Variants in TMEM132D observed in about 807,000 individuals in gnomAD.
TMEM132D encodes transmembrane protein 132D.
Under a neutral mutation model 62.3 loss-of-function variants are expected in TMEM132D, and 21 were observed. That is an observed-to-expected ratio of 0.34 (90% confidence interval 0.24 to 0.49). The LOEUF is 0.49. TMEM132D is among the 20% of genes least tolerant of loss of function. TMEM132D has a pLI of 0.99. For synonymous variants in TMEM132D, 621 were observed against 575.6 expected, an observed-to-expected ratio of 1.08 and a Z score of -1.13; for missense variants, 1,346 against 1,402.8, an observed-to-expected ratio of 0.96 and a Z score of 0.65.
chr12:129,221,772 G>C (rs985537614), intron 4 of TMEM132D, among the ~76,000 whole-genome samples: 3 of 152,036 alleles, frequency 2.0e-5, no homozygotes, highest in Non-Finnish European at 2.9e-5. Context: ...TTGCTTGTTT[G>C]GCCAAACTCT....
intron 3 of TMEM132D, among the ~76,000 whole-genome samples, chr12:129,419,721 T>A (rs556545201): frequency 1.1e-4 from 17 of 152,222 alleles, no homozygotes; most frequent in Non-Finnish European, 2.5e-4. Context: ...AAGTCTATAT[T>A]GTGATGTCTT....
chr12:129,169,281 A>G (rs1454080021), intron 5 of TMEM132D, among the ~76,000 whole-genome samples: 1 of 152,160 alleles, frequency 6.6e-6, no homozygotes, highest in Non-Finnish European at 1.5e-5. Context: ...CTCATCCTTT[A>G]CTTGTCTGTG....
intron 5 of TMEM132D, among the ~76,000 whole-genome samples, chr12:129,136,289 C>T (rs79263250): frequency 0.021 from 3,248 of 152,254 alleles, 50 homozygotes; most frequent in Non-Finnish European, 0.034. Context: ...ACACTCATTC[C>T]GTTACTGTTC....
intron 2 of TMEM132D, among the ~76,000 whole-genome samples, chr12:129,632,283 A>C (rs767724447): frequency 2.0e-5 from 3 of 152,210 alleles, no homozygotes; most frequent in Non-Finnish European, 4.4e-5. Context: ...GAAGGAGAAC[A>C]CAAAACAAGT....
At chr12:129,818,713 C>A (rs73438591) in intron 1 of TMEM132D, among the ~76,000 whole-genome samples, 28,289 of 151,736 alleles carry the variant, frequency 0.19, 3,631 homozygotes, top group African/African-American at 0.37. Context: ...CACCTGCACA[C>A]ACAGACTGTG....
intron 3 of TMEM132D, among the ~76,000 whole-genome samples, chr12:129,509,885 G>A (rs762750303): frequency 1.6e-4 from 24 of 152,184 alleles, no homozygotes; most frequent in Middle Eastern, 3.4e-3. Context: ...GGACACTTAG[G>A]TTGCTTCCAA....
rs1870543042 is a variant in TMEM132D, at chr12:129,369,960, ACAGC to A, written c.1116-32147_1116-32144del. ...GCCAGGTGGGTCACACAGTGGGAGC[ACAGC>A]CAGCGTGGGACAGTGGCAGGGGTGG... On this transcript the variant is annotated intron_variant, in intron 3 of 8. Transcript: ENST00000422113. Among the ~76,000 whole-genome samples, 3 of 152,218 alleles carry A rather than the reference ACAGC, an allele frequency of 2.0e-5. No individual in the cohort carries two copies. In the South Asian group the frequency reaches 6.2e-4, roughly 31 times the overall value.
intron 1 of TMEM132D, among the ~76,000 whole-genome samples, chr12:129,738,054 T>C (rs1275213925): frequency 6.6e-6 from 1 of 152,264 alleles, no homozygotes; most frequent in Non-Finnish European, 1.5e-5. Flanking sequence ...ATGCACCATA[T>C]TGATTGGCCA....
At chr12:129,543,940 T>C (rs1876662276) in intron 2 of TMEM132D, among the ~76,000 whole-genome samples, 1 of 152,162 alleles carries the variant, frequency 6.6e-6, no homozygotes. Context: ...TAGCAAGTGC[T>C]TCAGGAAACT....
chr12:129,662,612 G>A (rs1418118947), intron 2 of TMEM132D, among the ~76,000 whole-genome samples: 1 of 152,076 alleles, frequency 6.6e-6, no homozygotes, highest in Non-Finnish European at 1.5e-5. Flanking sequence ...GGCCAACACG[G>A]TGAAACCCCA....
chr12:129,218,322 T>C (rs554747927), intron 4 of TMEM132D, among the ~76,000 whole-genome samples: 30 of 152,338 alleles, frequency 2.0e-4, no homozygotes, highest in Non-Finnish European at 4.0e-4. Context: ...AAATGCATTG[T>C]TAGGCGATTT....
intron 1 of TMEM132D, among the ~76,000 whole-genome samples, chr12:129,793,129 G>T (rs1871449657): frequency 6.7e-6 from 1 of 150,320 alleles, no homozygotes. Flanking sequence ...GTCCAAGCTG[G>T]TTTCAAACTC....
At chr12:129,445,305 T>C (rs1873064442) in intron 3 of TMEM132D, among the ~76,000 whole-genome samples, 1 of 152,094 alleles carries the variant, frequency 6.6e-6, no homozygotes. Context: ...CTGGGGCCTA[T>C]GGGAGGGTGG....
chr12:129,487,033 G>A (rs375977502), intron 3 of TMEM132D, among the ~76,000 whole-genome samples: 1 of 145,536 alleles, frequency 6.9e-6, no homozygotes, highest in South Asian at 2.1e-4. Context: ...TTTGCGTATG[G>A]GGGGGGGGGT....
At chr12:129,610,848 G>A (rs191524329) in intron 2 of TMEM132D, among the ~76,000 whole-genome samples, 1 of 152,254 alleles carries the variant, frequency 6.6e-6, no homozygotes, top group East Asian at 1.9e-4. Flanking sequence ...GGGATTTACA[G>A]GGCAATTAGG....
chr12:129,481,282 G>T (rs1386921200), intron 3 of TMEM132D, among the ~76,000 whole-genome samples: 1 of 151,920 alleles, frequency 6.6e-6, no homozygotes, highest in Non-Finnish European at 1.5e-5. Context: ...ACCAAAGTGG[G>T]TAGCATTGTC....
chr12:129,523,690 C>T (rs985010841), intron 3 of TMEM132D, among the ~76,000 whole-genome samples: 10 of 152,068 alleles, frequency 6.6e-5, no homozygotes, highest in South Asian at 2.1e-4. Flanking sequence ...CAAAGCAATA[C>T]GAGGGTAAAT....
chr12:129,315,587 A>G (rs568221442), intron 4 of TMEM132D, among the ~76,000 whole-genome samples: 116 of 152,264 alleles, frequency 7.6e-4, no homozygotes, highest in African/African-American at 2.5e-3. Flanking sequence ...TTCATCAAGG[A>G]TATCAATCTG....
intron 4 of TMEM132D, among the ~76,000 whole-genome samples, chr12:129,314,709 G>T (rs1180423455): frequency 2.0e-5 from 3 of 152,090 alleles, no homozygotes; most frequent in Non-Finnish European, 4.4e-5. Flanking sequence ...ATTGCTTTTG[G>T]CAGTGTGGTC....
Sources: allele counts gnomAD v4.1 joint callset (sites outside exome capture counted in the v4.1 genomes callset), GRCh38; gene constraint gnomAD v4.1.1; transcripts MANE v1.5; gene names NCBI Gene and HGNC (gene_info 2026-07-23, HGNC 2026-07-21).